ST3GAL1: variants seen among roughly 807,000 people sequenced by gnomAD.
ST3GAL1 encodes the protein CMP-N-acetylneuraminate-beta-galactosamide-alpha-2,3-sialyltransferase 1.
ST3GAL1 carries 16 observed loss-of-function variants against 34.1 expected under a neutral mutation model. The ratio of observed to expected loss-of-function variants is 0.47; its 90% CI spans 0.32 to 0.71. The LOEUF (loss-of-function observed/expected upper bound fraction) is 0.71, where lower values mean the gene tolerates loss of function less well. ST3GAL1 is among the 30% of genes least tolerant of loss of function. The pLI, the probability that ST3GAL1 is intolerant of heterozygous loss-of-function variation, is 0.04. For synonymous variants in ST3GAL1, 191 were observed against 184.7 expected, an observed-to-expected ratio of 1.03 and a Z score of -0.28; for missense variants, 353 against 447.4, an observed-to-expected ratio of 0.79 and a Z score of 1.90.
At chr8:133,554,730 CTT>C (rs1263832188) in intron 1 of ST3GAL1, among the ~76,000 whole-genome samples, 24 of 137,024 alleles carry the variant, frequency 1.8e-4, no homozygotes, top group South Asian at 2.3e-4. Flanking sequence ...TATTTCTTTT[CTT>C]TTTTTTTTTT....
intron 2 of ST3GAL1, among the ~76,000 whole-genome samples, chr8:133,529,406 G>A (rs993419152): frequency 6.6e-6 from 1 of 152,196 alleles, no homozygotes; most frequent in African/African-American, 2.4e-5. Flanking sequence ...GTAAAACTCA[G>A]GACCTGCTGG....
intron 8 of ST3GAL1, among the ~76,000 whole-genome samples, chr8:133,463,038 A>G (rs1396926024): frequency 6.6e-6 from 1 of 152,238 alleles, no homozygotes; most frequent in Non-Finnish European, 1.5e-5. Flanking sequence ...AGACATGGAA[A>G]GAGATGGAGA....
rs139752835 is a variant in ST3GAL1, at chr8:133,559,750, G to A, written c.-582+11943C>T. ...CAGCGACGCTGACGATTCCTTTTAC[G>A]TGAAGCAGGTTGCCTCCAAGAGGCT... On this transcript the variant is annotated intron_variant, in intron 1 of 9. Coordinates refer to ENST00000522652, the MANE Select transcript of ST3GAL1 (RefSeq NM_173344.3). Among the ~76,000 whole-genome samples the A allele has an allele frequency of 3.4e-3, 518 of 152,300 alleles. 3 individuals carry two copies. The highest frequency in any genetic ancestry group is 0.012 in the African/African-American group (491 of 41,562).
At chr8:133,565,159 G>GTGTGTGTA (rs1166572818) in intron 1 of ST3GAL1, among the ~76,000 whole-genome samples, 6 of 145,426 alleles carry the variant, frequency 4.1e-5, no homozygotes, top group African/African-American at 1.6e-4. Flanking sequence ...GCCTGTGTGT[G>GTGTGTGTA]TGTGTGTGTG....
chr8:133,531,486 T>G (rs1818151349), intron 2 of ST3GAL1, among the ~76,000 whole-genome samples: 1 of 152,110 alleles, frequency 6.6e-6, no homozygotes, highest in Admixed American at 6.5e-5. Flanking sequence ...GGAAGTGAGG[T>G]GCAGGGAAGT....
At chr8:133,478,667 G>A (rs1024499128) in intron 3 of ST3GAL1, among the ~76,000 whole-genome samples, 3 of 152,172 alleles carry the variant, frequency 2.0e-5, no homozygotes, top group Non-Finnish European at 4.4e-5. Flanking sequence ...TTTGCCGATG[G>A]CTCTTACTCA....
At chr8:133,537,956 A>G (rs530621340) in intron 2 of ST3GAL1, among the ~76,000 whole-genome samples, 1 of 152,214 alleles carries the variant, frequency 6.6e-6, no homozygotes, top group South Asian at 2.1e-4. Flanking sequence ...AACTGAGAAG[A>G]GCTACACTCT....
At position 133,466,616 on chromosome 8, in the gene ST3GAL1, G is replaced by C. The variant is rs1815742578; in HGVS notation, c.307-526C>G. Among the ~76,000 whole-genome samples, 1 of 152,220 alleles carries C rather than the reference G, an allele frequency of 6.6e-6. No homozygotes were observed. Among genetic ancestry groups the C allele is most frequent in the South Asian group, 2.1e-4 (1 of 4,836 alleles). ...TAACAAGAAGAGCGAGGAGTAGGTG[G>C]AAATGCCAGTTCTCCAGCCCCGGCC... is the stretch of plus-strand genomic sequence containing the variant. On this transcript the variant is annotated intron_variant, in intron 5 of 9. Transcript: ENST00000522652. The surrounding 1 kb of genome is among the most constrained non-coding windows in gnomAD (Gnocchi z 4.4).
At chr8:133,488,063 A>C (rs1427000602) in intron 3 of ST3GAL1, 1 of 152,062 alleles carries the variant, frequency 6.6e-6, no homozygotes, top group Non-Finnish European at 1.5e-5. Flanking sequence ...TTATTAAGGA[A>C]TCACACAAAA....
At chr8:133,544,589 G>A (rs898909854) in intron 2 of ST3GAL1, among the ~76,000 whole-genome samples, 1 of 151,966 alleles carries the variant, frequency 6.6e-6, no homozygotes, top group Non-Finnish European at 1.5e-5. Context: ...TCTACCCCTT[G>A]GGAACACAGA....
intron 2 of ST3GAL1, among the ~76,000 whole-genome samples, chr8:133,522,365 A>C (rs935542228): frequency 6.6e-6 from 1 of 152,164 alleles, no homozygotes; most frequent in African/African-American, 2.4e-5. Context: ...CCAGGCACAG[A>C]AGGTTCCCTG....
At chr8:133,538,342 C>G (rs889919664) in intron 2 of ST3GAL1, among the ~76,000 whole-genome samples, 1 of 152,108 alleles carries the variant, frequency 6.6e-6, no homozygotes, top group Non-Finnish European at 1.5e-5. Context: ...TGGCGAAACC[C>G]CATCTCTACT....
rs1032186884 is a variant in ST3GAL1, at chr8:133,508,131, A to G, written c.-428-8942T>C. On this transcript the variant is annotated intron_variant, in intron 2 of 9. Transcript: ENST00000522652. This position sits in a 1 kb window ranked among gnomAD's most constrained non-coding sequence, Gnocchi z 4.1. ...CCACTGATGGTAAGTACTAGAGTTG[A>G]AAAAAAGGCATCTTTCCCCAACAGC... Among the ~76,000 whole-genome samples the G allele has an allele frequency of 1.3e-5, 2 of 151,932 alleles. No individual in the cohort carries two copies. Among genetic ancestry groups the G allele is most frequent in the Non-Finnish European group, 2.9e-5 (2 of 68,034 alleles).
chr8:133,488,979 G>A (rs893268977), intron 3 of ST3GAL1, among the ~76,000 whole-genome samples: 2 of 152,184 alleles, frequency 1.3e-5, no homozygotes, highest in Non-Finnish European at 2.9e-5. Context: ...GGGACAGGCA[G>A]TGACTGCCTT....
chr8:133,542,646 A>C (rs1351766762), intron 2 of ST3GAL1, among the ~76,000 whole-genome samples: 5 of 152,046 alleles, frequency 3.3e-5, no homozygotes, highest in African/African-American at 1.2e-4. Context: ...ATGGTCGTAC[A>C]TGCCCATAAT....
At chr8:133,558,412 C>T (rs1366275955) in intron 1 of ST3GAL1, among the ~76,000 whole-genome samples, 1 of 152,116 alleles carries the variant, frequency 6.6e-6, no homozygotes, top group Non-Finnish European at 1.5e-5. Context: ...GAAGGACACG[C>T]AGTTAGGCAG....
At chr8:133,529,137 G>A (rs529914257) in intron 2 of ST3GAL1, among the ~76,000 whole-genome samples, 8 of 152,178 alleles carry the variant, frequency 5.3e-5, no homozygotes, top group Non-Finnish European at 1.0e-4. Context: ...CGGGGCTCGC[G>A]GGCCAACCCC....
In ST3GAL1 at chr8:133,475,939, G is replaced by T; in HGVS notation, c.86C>A (p.Ser29Tyr). 6.2e-7 allele frequency: 1 copy of T among 1,614,010 alleles called. No individual in the cohort carries two copies. Among genetic ancestry groups the T allele is most frequent in the Non-Finnish European group, 8.5e-7 (1 of 1,180,026 alleles). Residue 29 changes from serine to tyrosine, a missense_variant, in exon 5 of 10, where the codon TCC (serine) becomes TAC (tyrosine). Ser to Tyr is a moderately radical substitution (Grantham distance 144). Coordinates refer to ENST00000522652, the MANE Select transcript of ST3GAL1 (RefSeq NM_173344.3). ...CCAGGTGGTGGCCACCATGGTGTGG[G>T]AGTAGTTCAGGAAGAAGGAGGTGAG... is the stretch of plus-strand genomic sequence containing the variant. ...IFLTSFFLNY[S>Y]HTMVATTWFP...
intron 3 of ST3GAL1, among the ~76,000 whole-genome samples, chr8:133,498,559 T>G (rs1817043069): frequency 6.6e-6 from 1 of 152,072 alleles, no homozygotes. Context: ...AGACCAACTA[T>G]CCTCAAAGAA....
Sources: gnomAD v4.1 joint callset for allele counts (sites outside exome capture counted in the v4.1 genomes callset) on GRCh38, gnomAD v4.1.1 for gene constraint, Gnocchi (gnomAD v3.1) non-coding constraint, MANE v1.5 for transcripts, NCBI Gene and HGNC (gene_info 2026-07-23, HGNC 2026-07-21) for gene names.